Variants in B3GAT2 observed in about 807,000 individuals in gnomAD.
The protein encoded by B3GAT2 is beta-1,3-glucuronyltransferase 2.
In B3GAT2, 26 loss-of-function variants were observed where a neutral mutation model predicts 27.8. That is an observed-to-expected ratio of 0.93 (90% CI 0.68 to 1.30). The LOEUF is 1.30. B3GAT2 is among the 50% of genes most tolerant of loss of function. The pLI, the probability that B3GAT2 is intolerant of heterozygous loss-of-function variation, is 0.00. For synonymous variants in B3GAT2, 218 were observed against 195.1 expected (o/e 1.12, Z -0.98); for missense variants, 458 against 459.0 (o/e 1.00, Z 0.02).
At position 70,859,425 on chromosome 6, in the gene B3GAT2, A is replaced by C; in HGVS notation, c.*2238T>G. The C allele has an allele frequency of 6.6e-7, 1 of 1,523,794 alleles. No homozygotes were observed. The highest frequency in any genetic ancestry group is 8.9e-7 in the Non-Finnish European group (1 of 1,125,602). 94.4% of individuals were successfully genotyped at this position (1,523,794 alleles called of 1,614,324 possible). A position where few individuals can be genotyped will look rare whatever the true frequency, so the allele number is the denominator to read the frequency against. On this transcript the variant is annotated 3_prime_UTR_variant, in exon 4 of 4. Coordinates refer to ENST00000230053, the MANE Select transcript of B3GAT2 (RefSeq NM_080742.3). ...AAAATGTCCTTTAGTAGGTATGAAGACGTGATCTGCTTCTTCAGACACTTA... is the reference window on the plus strand; with the variant it reads ...AAAATGTCCTTTAGTAGGTATGAAGCCGTGATCTGCTTCTTCAGACACTTA...
chr6:70,866,163 G>A (rs1771847622), intron 2 of B3GAT2, among the ~76,000 whole-genome samples: 2 of 152,280 alleles, frequency 1.3e-5, no homozygotes, highest in South Asian at 4.1e-4. Context: ...ATTACTGGAG[G>A]GGACTAGTTC....
At chr6:70,937,747 G>A (rs1249055218) in intron 1 of B3GAT2, among the ~76,000 whole-genome samples, 11 of 151,970 alleles carry the variant, frequency 7.2e-5, no homozygotes, top group East Asian at 3.9e-4. Context: ...TTGATGGGAC[G>A]TATCTCAAAA....
At chr6:70,897,326 G>A (rs1395491203) in intron 1 of B3GAT2, among the ~76,000 whole-genome samples, 4 of 151,902 alleles carry the variant, frequency 2.6e-5, no homozygotes, top group Admixed American at 6.6e-5. Context: ...CTCCCACTCC[G>A]TGGCTCATCT....
chr6:70,879,476 T>A (rs1362654538), intron 2 of B3GAT2, among the ~76,000 whole-genome samples: 1 of 136,330 alleles, frequency 7.3e-6, no homozygotes, highest in Non-Finnish European at 1.5e-5. Context: ...TGTTCTAAAC[T>A]TAGGATTCAT....
At chr6:70,907,222 G>T (rs1772616626) in intron 1 of B3GAT2, among the ~76,000 whole-genome samples, 1 of 152,152 alleles carries the variant, frequency 6.6e-6, no homozygotes, top group South Asian at 2.1e-4. Flanking sequence ...ATTAGTTTGG[G>T]CCTGGCAGTC....
intron 1 of B3GAT2, among the ~76,000 whole-genome samples, chr6:70,940,731 C>G (rs1276942075): frequency 6.6e-6 from 1 of 152,092 alleles, no homozygotes; most frequent in African/African-American, 2.4e-5. Flanking sequence ...AGTTTGAGAC[C>G]AACCTGGCCA....
rs573278510 is a variant in B3GAT2, at chr6:70,882,014, T to TA, written c.736+12113dup. Among the ~76,000 whole-genome samples, 969 of 152,268 alleles carry TA rather than the reference T, an allele frequency of 6.4e-3. 14 individuals carry two copies. Among genetic ancestry groups the TA allele is most frequent in the African/African-American group, 0.022 (916 of 41,542 alleles). On this transcript the variant is annotated intron_variant, in intron 2 of 3. Transcript: ENST00000230053. ...TGGTAAAATTTATTACAGTTAATTA[T>TA]AAAAAAGACCATACTCTGCCCCCAA...
Position 70,857,101 on chromosome 6 carries a change from C to A in B3GAT2, c.*4562G>T. ...ATCCTTTGTAATTATATAATAAGAT[C>A]AATTATATATCTTTTATTGTTCCAT... On this transcript the variant is annotated 3_prime_UTR_variant, in exon 4 of 4. Transcript: ENST00000230053. 1.5e-6 allele frequency: 2 copies of A among 1,362,502 alleles called. No individual in the cohort carries two copies. The highest frequency in any genetic ancestry group is 1.7e-5 in the South Asian group (1 of 59,510). 84.4% of individuals were successfully genotyped at this position (1,362,502 alleles called of 1,614,324 possible).
chr6:70,918,687 A>G (rs536581393), intron 1 of B3GAT2, among the ~76,000 whole-genome samples: 2 of 152,182 alleles, frequency 1.3e-5, no homozygotes, highest in East Asian at 3.9e-4. Context: ...ATTCTGGGTT[A>G]AAAATTCTTT....
At chr6:70,945,606 T>C (rs1216990478) in intron 1 of B3GAT2, among the ~76,000 whole-genome samples, 1 of 150,506 alleles carries the variant, frequency 6.6e-6, no homozygotes, top group Admixed American at 6.7e-5. Flanking sequence ...ATTGTGTACC[T>C]GAAAGTGACG....
At chr6:70,865,049 G>C (rs905091643) in intron 2 of B3GAT2, among the ~76,000 whole-genome samples, 6 of 152,196 alleles carry the variant, frequency 3.9e-5, no homozygotes, top group African/African-American at 1.4e-4. Context: ...ATCTGCAGAT[G>C]CATCTGCAGA....
intron 1 of B3GAT2, among the ~76,000 whole-genome samples, chr6:70,941,399 C>T (rs1223052926): frequency 6.6e-6 from 1 of 152,126 alleles, no homozygotes; most frequent in African/African-American, 2.4e-5. Context: ...GTAATGCAAA[C>T]ACTAAGCAGT....
intron 1 of B3GAT2, among the ~76,000 whole-genome samples, chr6:70,945,444 G>C (rs533229814): frequency 8.6e-4 from 131 of 152,198 alleles, no homozygotes; most frequent in African/African-American, 3.1e-3. Context: ...CTCAGGAGCT[G>C]ATGCGATCAA....
chr6:70,938,512 G>T (rs1433147061), intron 1 of B3GAT2, among the ~76,000 whole-genome samples: 1 of 151,516 alleles, frequency 6.6e-6, no homozygotes, highest in Non-Finnish European at 1.5e-5. Flanking sequence ...TATACTACAA[G>T]GCTACAGTAA....
intron 1 of B3GAT2, among the ~76,000 whole-genome samples, chr6:70,951,779 A>T (rs1359631945): frequency 6.6e-6 from 1 of 152,196 alleles, no homozygotes; most frequent in Non-Finnish European, 1.5e-5. Flanking sequence ...TAAAATTCTC[A>T]CATTTTATCA....
Position 70,856,840 on chromosome 6 carries a change from A to T in B3GAT2, c.*4823T>A, listed in dbSNP as rs2150013373. ...TTTACTATGCAGAATTTGATAGCTT[A>T]TTTTGGTGTTTGTCTCAGGGGACAC... is the stretch of plus-strand genomic sequence containing the variant. On this transcript the variant is annotated 3_prime_UTR_variant, in exon 4 of 4. Transcript: ENST00000230053. 1 of 1,584,726 alleles carries T rather than the reference A, an allele frequency of 6.3e-7. No individual in the cohort carries two copies. The highest frequency in any genetic ancestry group is 1.7e-4 in the Middle Eastern group (1 of 5,890).
rs1220688618 is a variant in B3GAT2, at chr6:70,860,794, CTAGTGTA to C, written c.*862_*868del. Reference sequence around the variant, plus strand: ...TAAATGTCTCACTGAGCACTGTTTTCTAGTGTATCAAAATGCTCTTATTTCATCATTC... The same window carrying C: ...TAAATGTCTCACTGAGCACTGTTTTCTCAAAATGCTCTTATTTCATCATTC... On this transcript the variant is annotated 3_prime_UTR_variant, in exon 4 of 4. Transcript: ENST00000230053. 1 of 398,552 alleles carries C rather than the reference CTAGTGTA, an allele frequency of 2.5e-6. No homozygotes were observed. Among genetic ancestry groups the C allele is most frequent in the Non-Finnish European group, 4.4e-6 (1 of 225,792 alleles). The allele number at this position is 398,552 out of a possible 1,614,324, so 24.7% of individuals were successfully genotyped here.
intron 1 of B3GAT2, among the ~76,000 whole-genome samples, chr6:70,952,097 G>GA (rs1275088930): frequency 6.6e-6 from 1 of 151,508 alleles, no homozygotes; most frequent in African/African-American, 2.4e-5. Flanking sequence ...AAATACTTCT[G>GA]AAAAAAAAGC....
At chr6:70,879,982 G>T (rs1261225623) in intron 2 of B3GAT2, among the ~76,000 whole-genome samples, 1 of 151,774 alleles carries the variant, frequency 6.6e-6, no homozygotes, top group Non-Finnish European at 1.5e-5. Context: ...TTTTAACCTG[G>T]AGCCTAACGG....
Sources: gnomAD v4.1 joint callset for allele counts (sites outside exome capture counted in the v4.1 genomes callset) on GRCh38, gnomAD v4.1.1 for gene constraint, MANE v1.5 for transcripts, NCBI Gene and HGNC (gene_info 2026-07-23, HGNC 2026-07-21) for gene names.